The following HS3ST4 variants were observed in gnomAD, a reference collection of about 807,000 sequenced individuals.
HS3ST4 encodes the protein heparan sulfate-glucosamine 3-sulfotransferase 4.
A neutral mutation model predicts 29.2 loss-of-function variants in HS3ST4; 17 were observed. The ratio of observed to expected loss-of-function variants is 0.58; its 90% CI spans 0.40 to 0.87. The LOEUF is 0.87. HS3ST4 is among the 40% of genes least tolerant of loss of function. The pLI, the probability that HS3ST4 is intolerant of heterozygous loss-of-function variation, is 0.00. For missense variants in HS3ST4, 627 were observed against 634.5 expected (o/e 0.99, Z 0.13); for synonymous variants, 314 against 285.7 (o/e 1.10, Z -1.00).
At chr16:26,004,821 G>T (rs1009877654) in intron 1 of HS3ST4, among the ~76,000 whole-genome samples, 1 of 152,008 alleles carries the variant, frequency 6.6e-6, no homozygotes, top group Non-Finnish European at 1.5e-5. Flanking sequence ...CATTTGAAGT[G>T]GTTTTTATGA....
At chr16:25,883,026 A>G (rs1167330144) in intron 1 of HS3ST4, among the ~76,000 whole-genome samples, 1 of 151,444 alleles carries the variant, frequency 6.6e-6, no homozygotes, top group Non-Finnish European at 1.5e-5. Context: ...GCTCCCCTTT[A>G]CCCTCCTCTC....
chr16:26,108,583 C>A (rs558714115), intron 1 of HS3ST4, among the ~76,000 whole-genome samples: 1 of 152,248 alleles, frequency 6.6e-6, no homozygotes, highest in East Asian at 1.9e-4. Context: ...ACTGAACTTG[C>A]CTGTACCTCA....
intron 1 of HS3ST4, among the ~76,000 whole-genome samples, chr16:26,092,249 AG>A (rs1898866421): frequency 6.6e-6 from 1 of 152,202 alleles, no homozygotes; most frequent in South Asian, 2.1e-4. Flanking sequence ...AACGTGGCAA[AG>A]AATTGGCCAA....
At chr16:26,064,839 A>G (rs545269884) in intron 1 of HS3ST4, among the ~76,000 whole-genome samples, 74 of 151,990 alleles carry the variant, frequency 4.9e-4, no homozygotes, top group Non-Finnish European at 8.5e-4. Flanking sequence ...CTGGTCTCGA[A>G]CTCCCAACCT....
chr16:26,133,980 G>T (rs576414425), intron 1 of HS3ST4, among the ~76,000 whole-genome samples: 3 of 152,284 alleles, frequency 2.0e-5, no homozygotes, highest in Non-Finnish European at 4.4e-5. Context: ...ATTAACTTTG[G>T]TCTACATATG....
chr16:26,044,349 C>G (rs982276561), intron 1 of HS3ST4, among the ~76,000 whole-genome samples: 1 of 152,198 alleles, frequency 6.6e-6, no homozygotes, highest in African/African-American at 2.4e-5. Flanking sequence ...CCCCACACCC[C>G]CATTCTCTGG....
chr16:26,008,231 A>T (rs1024924414), intron 1 of HS3ST4, among the ~76,000 whole-genome samples: 1 of 152,240 alleles, frequency 6.6e-6, no homozygotes, highest in Non-Finnish European at 1.5e-5. Context: ...AGAAGAAATG[A>T]CACGACAAAG....
intron 1 of HS3ST4, among the ~76,000 whole-genome samples, chr16:25,941,879 T>C (rs1171350616): frequency 2.0e-5 from 3 of 152,180 alleles, no homozygotes; most frequent in African/African-American, 7.2e-5. Context: ...CCTGGCCAAC[T>C]TCTTTATTTT....
At chr16:25,779,369 G>A (rs1301448480) in intron 1 of HS3ST4, among the ~76,000 whole-genome samples, 2 of 152,186 alleles carry the variant, frequency 1.3e-5, no homozygotes, top group East Asian at 3.9e-4. Context: ...AAGTGGCTTG[G>A]CCAAGTCACA....
intron 1 of HS3ST4, among the ~76,000 whole-genome samples, chr16:25,764,407 C>T (rs927207563): frequency 2.0e-5 from 3 of 152,174 alleles, no homozygotes; most frequent in African/African-American, 7.2e-5. Flanking sequence ...GGCTAGGGAT[C>T]ACATACAGCC....
chr16:25,820,628 T>C (rs1055371174), intron 1 of HS3ST4, among the ~76,000 whole-genome samples: 2 of 151,956 alleles, frequency 1.3e-5, no homozygotes, highest in Non-Finnish European at 2.9e-5. Context: ...TAGAGACAGA[T>C]TTCTTTATGT....
At chr16:25,914,304 T>C (rs1298521846) in intron 1 of HS3ST4, among the ~76,000 whole-genome samples, 2 of 143,346 alleles carry the variant, frequency 1.4e-5, no homozygotes, top group Non-Finnish European at 3.0e-5. Context: ...TATATGTGTA[T>C]GTATGTGTGT....
At chr16:25,734,004 C>A (rs543260462) in intron 1 of HS3ST4, among the ~76,000 whole-genome samples, 1 of 152,280 alleles carries the variant, frequency 6.6e-6, no homozygotes, top group Non-Finnish European at 1.5e-5. Flanking sequence ...GTAGTCCCAG[C>A]TACTTGGGAG....
chr16:25,818,625 A>G (rs1025229993), intron 1 of HS3ST4, among the ~76,000 whole-genome samples: 1 of 152,198 alleles, frequency 6.6e-6, no homozygotes, highest in Non-Finnish European at 1.5e-5. Flanking sequence ...TCAGCTCTAT[A>G]TCATGAGATA....
chr16:25,817,234 C>G (rs962149033), intron 1 of HS3ST4, among the ~76,000 whole-genome samples: 1 of 152,034 alleles, frequency 6.6e-6, no homozygotes. Flanking sequence ...ATGAGAGATG[C>G]TTGCAAAGTG....
At chr16:25,962,335 AAAG>A (rs1175298418) in intron 1 of HS3ST4, among the ~76,000 whole-genome samples, 4 of 152,242 alleles carry the variant, frequency 2.6e-5, no homozygotes, top group Non-Finnish European at 4.4e-5. Context: ...AAGAAAAAAG[AAAG>A]AATATAAATT....
intron 1 of HS3ST4, among the ~76,000 whole-genome samples, chr16:25,738,930 AT>A (rs1349595433): frequency 1.3e-5 from 2 of 152,064 alleles, no homozygotes; most frequent in African/African-American, 4.8e-5. Flanking sequence ...GTCTTTTGTA[AT>A]TTCTTATAAT....
At chr16:25,948,271 T>C (rs1968649415) in intron 1 of HS3ST4, among the ~76,000 whole-genome samples, 1 of 152,062 alleles carries the variant, frequency 6.6e-6, no homozygotes, top group Non-Finnish European at 1.5e-5. Context: ...TCATTCAAAA[T>C]GGGAAAATAG....
chr16:25,923,556 A>T (rs1259250184), intron 1 of HS3ST4, among the ~76,000 whole-genome samples: 1 of 152,056 alleles, frequency 6.6e-6, no homozygotes, highest in African/African-American at 2.4e-5. Context: ...GTTTTGGGGG[A>T]TGACCCTTCA....
Sources: allele counts gnomAD v4.1 joint callset (sites outside exome capture counted in the v4.1 genomes callset), GRCh38; gene constraint gnomAD v4.1.1; transcripts MANE v1.5; gene names NCBI Gene and HGNC (gene_info 2026-07-23, HGNC 2026-07-21).